Variants in SLC30A7 observed in about 807,000 individuals in gnomAD.
The protein encoded by SLC30A7 is solute carrier family 30 member 7, also known as zinc transporter 7.
A neutral mutation model predicts 46.0 loss-of-function variants in SLC30A7; 35 were observed. The ratio of observed to expected loss-of-function variants is 0.76; its 90% confidence interval spans 0.58 to 1.01. The LOEUF (loss-of-function observed/expected upper bound fraction) is 1.01. Among genes scored for constraint, SLC30A7 ranks in the 50% least tolerant of loss-of-function variants. The probability of loss-of-function intolerance (pLI) is 0.00; values close to 1 mark genes in which losing one functional copy is unlikely to be tolerated. For missense variants in SLC30A7, 464 were observed against 451.1 expected, an observed-to-expected ratio of 1.03 and a Z score of -0.26; for synonymous variants, 147 against 157.8, an observed-to-expected ratio of 0.93 and a Z score of 0.51.
chr1:100,907,244 A>G (rs1010998359), intron 3 of SLC30A7, among the ~76,000 whole-genome samples: 1 of 152,162 alleles, frequency 6.6e-6, no homozygotes, highest in Non-Finnish European at 1.5e-5. Context: ...TGAAGAAGAA[A>G]GTTTTAGTAT....
At chr1:100,912,475 A>G (rs1432695795) in intron 5 of SLC30A7, among the ~76,000 whole-genome samples, 4 of 152,130 alleles carry the variant, frequency 2.6e-5, no homozygotes, top group African/African-American at 4.8e-5. Flanking sequence ...GTGTGATATC[A>G]TTTATATAAA....
intron 7 of SLC30A7, among the ~76,000 whole-genome samples, chr1:100,921,462 A>C (rs965709605): frequency 8.5e-5 from 13 of 152,208 alleles, no homozygotes; most frequent in Admixed American, 5.2e-4. Flanking sequence ...CATTTATATC[A>C]TTAAGAAAAG....
At chr1:100,973,472 C>CTG (rs748071407) in intron 10 of SLC30A7, among the ~76,000 whole-genome samples, 2 of 152,214 alleles carry the variant, frequency 1.3e-5, no homozygotes, top group East Asian at 3.9e-4. Context: ...TGATCACTTA[C>CTG]TGTGTGCTGG....
intron 7 of SLC30A7, among the ~76,000 whole-genome samples, chr1:100,919,170 A>C (rs1303978829): frequency 6.6e-6 from 1 of 152,224 alleles, no homozygotes; most frequent in East Asian, 1.9e-4. Flanking sequence ...TGTATATTAC[A>C]AAGTTTTACA....
At chr1:100,942,161 A>G (rs971048581) in intron 8 of SLC30A7, among the ~76,000 whole-genome samples, 1 of 152,126 alleles carries the variant, frequency 6.6e-6, no homozygotes, top group Non-Finnish European at 1.5e-5. Flanking sequence ...TAAATGTCCA[A>G]AGGTTTGCAT....
intron 6 of SLC30A7, among the ~76,000 whole-genome samples, chr1:100,916,375 C>T (rs1268608597): frequency 6.6e-6 from 1 of 151,882 alleles, no homozygotes; most frequent in African/African-American, 2.4e-5. Context: ...TTAGTAGAGA[C>T]GAGGTTTCAC....
At chr1:100,962,343 A>C (rs369023206) in intron 9 of SLC30A7, among the ~76,000 whole-genome samples, 1 of 152,204 alleles carries the variant, frequency 6.6e-6, no homozygotes, top group Non-Finnish European at 1.5e-5. Flanking sequence ...AGAAAATATC[A>C]ATGAGAATAT....
chr1:100,946,682 T>C (rs1294212670), intron 8 of SLC30A7, among the ~76,000 whole-genome samples: 1 of 152,212 alleles, frequency 6.6e-6, no homozygotes, highest in Non-Finnish European at 1.5e-5. Context: ...CTGGATTTGG[T>C]TTGCCAGTAT....
rs1650904175 is a variant in SLC30A7, at chr1:100,896,190, T to G, written c.-73T>G. 7.4e-7 allele frequency: 1 copy of G among 1,356,738 alleles called. No homozygotes were observed. Among genetic ancestry groups the G allele is most frequent in the South Asian group, 1.2e-5 (1 of 85,246 alleles). The allele number at this position is 1,356,738 out of a possible 1,614,324, so 84.0% of individuals were successfully genotyped here. A position where few individuals can be genotyped will look rare whatever the true frequency, so the allele number is the denominator to read the frequency against. ...TGGGGATTCCCGTTTGAGGCGTCAC[T>G]ACTGTCACTGCCATCACCCCACGGA... is the stretch of plus-strand genomic sequence containing the variant. On this transcript the variant is annotated 5_prime_UTR_variant, in exon 1 of 11. Coordinates refer to ENST00000357650, the MANE Select transcript of SLC30A7 (RefSeq NM_133496.5).
intron 8 of SLC30A7, among the ~76,000 whole-genome samples, chr1:100,938,937 T>C (rs1557994432): frequency 1.3e-5 from 2 of 152,142 alleles, no homozygotes; most frequent in Non-Finnish European, 2.9e-5. Context: ...TAGTACCCAA[T>C]AGGTAGTTTT....
intron 9 of SLC30A7, among the ~76,000 whole-genome samples, chr1:100,963,386 G>A (rs1290021733): frequency 3.9e-5 from 6 of 152,050 alleles, no homozygotes; most frequent in African/African-American, 4.8e-5. Flanking sequence ...GGTCAAGGAG[G>A]GTAAAAACAA....
chr1:100,934,944 C>T (rs534456559), intron 8 of SLC30A7, among the ~76,000 whole-genome samples: 3 of 152,028 alleles, frequency 2.0e-5, no homozygotes, highest in East Asian at 3.9e-4. Flanking sequence ...TGCAGTGAGT[C>T]GTGATCACGC....
At chr1:100,995,335 C>T in the SLC30A7 span, 8,977 of 458,996 alleles carry the variant, frequency 0.02, 150 homozygotes, top group Middle Eastern at 0.028. Context: ...AGTTAGAAAA[C>T]AAACATGAAC....
chr1:100,917,174 C>G (rs1325753987), intron 6 of SLC30A7, among the ~76,000 whole-genome samples: 1 of 152,138 alleles, frequency 6.6e-6, no homozygotes, highest in African/African-American at 2.4e-5. Flanking sequence ...CACATGCATC[C>G]CAAAATAATG....
intron 2 of SLC30A7, among the ~76,000 whole-genome samples, chr1:100,898,884 T>C (rs768776429): frequency 3.9e-5 from 6 of 152,222 alleles, no homozygotes; most frequent in African/African-American, 7.2e-5. Context: ...AAATTTCAAC[T>C]TGTTGAGAAC....
At chr1:100,967,901 T>G (rs1293007638) in intron 10 of SLC30A7, among the ~76,000 whole-genome samples, 1 of 152,220 alleles carries the variant, frequency 6.6e-6, no homozygotes, top group Admixed American at 6.5e-5. Flanking sequence ...GTAGTTCATT[T>G]AATTGTATGG....
intron 6 of SLC30A7, among the ~76,000 whole-genome samples, chr1:100,915,244 T>TCTTC (rs1553236637): frequency 1.4e-5 from 2 of 139,770 alleles, no homozygotes; most frequent in South Asian, 2.2e-4. Context: ...TTTCTTTCTT[T>TCTTC]CTTTCTTTCT....
chr1:100,982,734 G>A (rs181287325), downstream of SLC30A7, among the ~76,000 whole-genome samples: 260 of 152,268 alleles, frequency 1.7e-3, 1 homozygote, highest in African/African-American at 6.2e-3. Flanking sequence ...TTGGCCTGGA[G>A]TACAAGGAAT....
intron 9 of SLC30A7, among the ~76,000 whole-genome samples, chr1:100,962,835 T>C (rs1355794425): frequency 2.6e-5 from 4 of 152,162 alleles, no homozygotes; most frequent in Non-Finnish European, 4.4e-5. Context: ...TGAAAAACAA[T>C]GGTGGTTTAG....
Sources: allele counts gnomAD v4.1 joint callset (sites outside exome capture counted in the v4.1 genomes callset), GRCh38; gene constraint gnomAD v4.1.1; transcripts MANE v1.5; gene names NCBI Gene and HGNC (gene_info 2026-07-23, HGNC 2026-07-21).